Variants in GMDS observed in about 807,000 individuals in gnomAD.
GMDS encodes the protein GDP-mannose 4,6-dehydratase.
Under a neutral mutation model 49.9 loss-of-function variants are expected in GMDS, and 20 were observed. That is an observed-to-expected ratio of 0.40 (90% CI 0.28 to 0.58). GMDS has a LOEUF of 0.58. GMDS is among the 20% of genes least tolerant of loss of function. GMDS has a pLI of 0.42. For missense variants in GMDS, 362 were observed against 481.4 expected, an observed-to-expected ratio of 0.75 and a Z score of 2.32; for synonymous variants, 177 against 178.6, an observed-to-expected ratio of 0.99 and a Z score of 0.07.
At chr6:2,055,132 G>C (rs890034969) in intron 4 of GMDS, among the ~76,000 whole-genome samples, 3 of 152,004 alleles carry the variant, frequency 2.0e-5, no homozygotes, top group African/African-American at 7.2e-5. Context: ...TTCCTGTAAA[G>C]ATAGAGCGAT....
intron 9 of GMDS, among the ~76,000 whole-genome samples, chr6:1,704,044 T>C (rs1474349422): frequency 6.6e-6 from 1 of 152,174 alleles, no homozygotes; most frequent in African/African-American, 2.4e-5. Context: ...TCACCTATCA[T>C]TTGTCTGCCA....
chr6:1,999,949 A>C (rs1297498627), intron 4 of GMDS, among the ~76,000 whole-genome samples: 2 of 36,496 alleles, frequency 5.5e-5, no homozygotes, highest in African/African-American at 1.7e-4. Flanking sequence ...TATAATATAT[A>C]ATATGTATAT....
chr6:1,867,692 T>G (rs1376770068), intron 7 of GMDS, among the ~76,000 whole-genome samples: 1 of 152,212 alleles, frequency 6.6e-6, no homozygotes, highest in East Asian at 1.9e-4. Flanking sequence ...AAAATTTCCC[T>G]CTATTAATTA....
chr6:1,738,313 C>A (rs1358296076), intron 8 of GMDS, among the ~76,000 whole-genome samples: 2 of 152,196 alleles, frequency 1.3e-5, no homozygotes, highest in African/African-American at 4.8e-5. Context: ...TTTATCAGGA[C>A]TGCATGTGGT....
chr6:2,172,298 A>T (rs1778055386), intron 1 of GMDS, among the ~76,000 whole-genome samples: 1 of 152,228 alleles, frequency 6.6e-6, no homozygotes, highest in African/African-American at 2.4e-5. Context: ...TATGAACACA[A>T]GACAAAATAG....
intron 1 of GMDS, among the ~76,000 whole-genome samples, chr6:2,203,486 C>G (rs959416671): frequency 2.0e-5 from 3 of 150,236 alleles, no homozygotes; most frequent in African/African-American, 7.3e-5. Context: ...TTGACTTATT[C>G]TTAGACAAAA....
At chr6:2,054,200 A>G (rs756647880) in intron 4 of GMDS, among the ~76,000 whole-genome samples, 2 of 152,174 alleles carry the variant, frequency 1.3e-5, no homozygotes, top group South Asian at 2.1e-4. Flanking sequence ...CACAAGAAAC[A>G]TCTGCGGGTA....
intron 5 of GMDS, 112 bp downstream of exon 5, chr6:1,960,662 C>A: frequency 1.5e-6 from 1 of 657,572 alleles, no homozygotes; most frequent in South Asian, 3.2e-5. Context: ...GTTAACCTCA[C>A]ACCCAAATGA....
At chr6:1,779,235 G>C (rs1201794738) in intron 7 of GMDS, among the ~76,000 whole-genome samples, 2 of 152,134 alleles carry the variant, frequency 1.3e-5, no homozygotes, top group African/African-American at 2.4e-5. Flanking sequence ...TTCATCCCCT[G>C]ATGCTCCCCT....
intron 8 of GMDS, among the ~76,000 whole-genome samples, chr6:1,738,154 T>C (rs4959602): frequency 1.3e-5 from 2 of 149,558 alleles, no homozygotes; most frequent in African/African-American, 2.5e-5. Context: ...CAGATACACA[T>C]ACACACACAC....
At chr6:1,666,022 T>G (rs1050452580) in intron 9 of GMDS, among the ~76,000 whole-genome samples, 1 of 152,222 alleles carries the variant, frequency 6.6e-6, no homozygotes, top group African/African-American at 2.4e-5. Flanking sequence ...CTGGGCACAC[T>G]GACAGCCAAG....
At chr6:2,138,906 CTT>C (rs1776143282) in intron 1 of GMDS, among the ~76,000 whole-genome samples, 1 of 152,152 alleles carries the variant, frequency 6.6e-6, no homozygotes, top group South Asian at 2.1e-4. Context: ...TCCCTAGTCT[CTT>C]TGTGTTCCCA....
At chr6:1,926,348 G>A (rs1174249127) in intron 7 of GMDS, among the ~76,000 whole-genome samples, 4 of 152,166 alleles carry the variant, frequency 2.6e-5, no homozygotes, top group African/African-American at 9.7e-5. Flanking sequence ...CCTAGATACT[G>A]CTGTGGGGTT....
At chr6:2,014,020 A>G (rs1211413321) in intron 4 of GMDS, among the ~76,000 whole-genome samples, 2 of 149,782 alleles carry the variant, frequency 1.3e-5, no homozygotes, top group African/African-American at 4.9e-5. Context: ...GCTTGTCAAA[A>G]AACAAGCAAG....
intron 4 of GMDS, among the ~76,000 whole-genome samples, chr6:2,017,350 C>T (rs1379795928): frequency 6.6e-6 from 1 of 151,920 alleles, no homozygotes; most frequent in African/African-American, 2.4e-5. Flanking sequence ...ACTCTGTTTG[C>T]CAGGCAGGAG....
chr6:1,978,646 G>T (rs1050914568), intron 4 of GMDS, among the ~76,000 whole-genome samples: 2 of 152,202 alleles, frequency 1.3e-5, no homozygotes, highest in Non-Finnish European at 2.9e-5. Flanking sequence ...TGGTGGGGCA[G>T]GTCATCACCT....
chr6:2,031,464 T>C (rs1475967312), intron 4 of GMDS, among the ~76,000 whole-genome samples: 2 of 150,386 alleles, frequency 1.3e-5, no homozygotes, highest in Non-Finnish European at 3.0e-5. Context: ...ATAAGTAAAA[T>C]GTATAGACCA....
At chr6:1,750,898 G>A (rs765933999) in intron 7 of GMDS, among the ~76,000 whole-genome samples, 22 of 152,186 alleles carry the variant, frequency 1.4e-4, no homozygotes, top group African/African-American at 3.4e-4. Context: ...AAGGGGGGTC[G>A]CCATTACTGA....
chr6:2,214,586 A>T (rs1780231277), intron 1 of GMDS, among the ~76,000 whole-genome samples: 1 of 152,214 alleles, frequency 6.6e-6, no homozygotes, highest in South Asian at 2.1e-4. Context: ...GGACTTGAGC[A>T]TCTGTGGATG....
Sources: allele counts gnomAD v4.1 joint callset (sites outside exome capture counted in the v4.1 genomes callset), GRCh38; gene constraint gnomAD v4.1.1; transcripts MANE v1.5; gene names NCBI Gene and HGNC (gene_info 2026-07-23, HGNC 2026-07-21).